The following LEFTY1 variants were observed in gnomAD, a reference collection of about 807,000 sequenced individuals.
The protein encoded by LEFTY1 is left-right determination factor 1, also known as left-right determination factor B.
Under a neutral mutation model 22.6 loss-of-function variants are expected in LEFTY1, and 18 were observed. The ratio of observed to expected loss-of-function variants is 0.80; its 90% confidence interval spans 0.55 to 1.18. The LOEUF (loss-of-function observed/expected upper bound fraction) is 1.18. LEFTY1 is among the 50% of genes most tolerant of loss of function. The pLI is 0.00. For missense variants in LEFTY1, 414 were observed against 495.4 expected, an observed-to-expected ratio of 0.84 and a Z score of 1.56; for synonymous variants, 201 against 231.5, an observed-to-expected ratio of 0.87 and a Z score of 1.20.
Position 225,888,835 on chromosome 1 carries a change from A to G in LEFTY1, c.232T>C (p.Phe78Leu). Residue 78 changes from phenylalanine to leucine, a missense_variant, in exon 1 of 4, where the codon TTC becomes CTC. Phe to Leu is a conservative substitution (Grantham distance 22, BLOSUM62 0). Coordinates refer to ENST00000272134, the MANE Select transcript of LEFTY1 (RefSeq NM_020997.4). The part of the protein sequence containing the change: ...SHGDRSRGKR[F>L]SQSFREVAGR... ...GCCTCACCTCGGAAGCTCTGGCTGAACCTCTTTCCGCGGGAGCGGTCCCCG... is the reference window on the plus strand; with the variant it reads ...GCCTCACCTCGGAAGCTCTGGCTGAGCCTCTTTCCGCGGGAGCGGTCCCCG... 6.2e-7 allele frequency: 1 copy of G among 1,613,082 alleles called. No homozygotes were observed. The highest frequency in any genetic ancestry group is 8.5e-7 in the Non-Finnish European group (1 of 1,179,732).
At chr1:225,887,370 G>C in intron 3 of LEFTY1, 29 bp downstream of exon 3, 3 of 1,612,302 alleles carry the variant, frequency 1.9e-6, no homozygotes, top group African/African-American at 1.3e-5. Flanking sequence ...TCTTTATTCC[G>C]GCTTACCAGT....
chr1:225,886,758 C>G lies in LEFTY1; in HGVS notation c.1070G>C (p.Gly357Ala). 6.2e-7 allele frequency: 1 copy of G among 1,613,748 alleles called. No individual in the cohort carries two copies. Among genetic ancestry groups the G allele is most frequent in the Non-Finnish European group, 8.5e-7 (1 of 1,180,044 alleles). The stretch of plus-strand genomic sequence containing the variant: ...CTGGAGCCTCCTTGGCACGAGCGCA[C>G]CATCCGAGGCACAGCTGCACTTCTG... ...RVQKCSCASD[G>A]ALVPRRLQP The change falls in exon 4 of 4, where the codon GGT becomes GCT. Residue 357 changes from glycine (G) to alanine (A), a missense_variant. Coordinates refer to ENST00000272134, the MANE Select transcript of LEFTY1 (RefSeq NM_020997.4).
At chr1:225,887,159 G>A in intron 3 of LEFTY1, 69 bp from the exon 4 acceptor site, 22 of 1,523,766 alleles carry the variant, frequency 1.4e-5, no homozygotes, top group East Asian at 2.3e-5. Context: ...GTCTGGGATG[G>A]AGATTTATGA....
chr1:225,888,759 A>G (rs1671338105), intron 1 of LEFTY1, 58 bp downstream of exon 1: 2 of 1,607,522 alleles, frequency 1.2e-6, no homozygotes, highest in African/African-American at 1.3e-5. Context: ...ACACCACCGG[A>G]GTGGGCACAT....
chr1:225,887,301 A>G, intron 3 of LEFTY1, 98 bp downstream of exon 3: 1 of 1,577,610 alleles, frequency 6.3e-7, no homozygotes, highest in Non-Finnish European at 8.6e-7. Flanking sequence ...ACATTGTCTC[A>G]TTCATTCCCA....
chr1:225,888,698 G>A (rs1225894053), intron 1 of LEFTY1, 119 bp downstream of exon 1: 3 of 1,369,530 alleles, frequency 2.2e-6, no homozygotes, highest in African/African-American at 1.4e-5. Context: ...CCCTTAGACC[G>A]TGGCCCTCAC....
chr1:225,887,343 A>G, intron 3 of LEFTY1, 56 bp downstream of exon 3: 2 of 1,604,368 alleles, frequency 1.2e-6, no homozygotes, highest in Admixed American at 1.7e-5. Flanking sequence ...ATTTCAAAAT[A>G]AATGTAATTG....
intron 1 of LEFTY1, 96 bp from the exon 2 acceptor site, chr1:225,888,128 C>T: frequency 6.6e-7 from 1 of 1,518,444 alleles, no homozygotes; most frequent in Non-Finnish European, 8.8e-7. Context: ...CCAGGAGACA[C>T]CGGCCCTGTT....
rs1671322663 is a variant in LEFTY1 at position 225,887,992 on chromosome 1, G to T, written c.291C>A (p.His97Gln). The T allele has an allele frequency of 6.3e-7, 1 of 1,590,778 alleles. No homozygotes were observed. The highest frequency in any genetic ancestry group is 8.5e-7 in the Non-Finnish European group (1 of 1,178,368). ...GRFLALEAST[H>Q]LLVFGMEQRL... The stretch of plus-strand genomic sequence containing the variant: ...GCTGCTCCATGCCGAACACCAGCAG[G>T]TGTGTGCTGGCCTCCAACGCCAGGA... Residue 97 changes from histidine (H) to glutamine (Q), a missense_variant, in exon 2 of 4, where the codon CAC (histidine) becomes CAA (glutamine). By Grantham distance (24) the His-to-Gln change is conservative. Transcript: ENST00000272134.
intron 1 of LEFTY1, 121 bp downstream of exon 1, chr1:225,888,696 C>T: frequency 7.4e-7 from 1 of 1,357,762 alleles, no homozygotes; most frequent in Non-Finnish European, 1.0e-6. Flanking sequence ...GCCCCTTAGA[C>T]CGTGGCCCTC....
rs753259592 is a variant in LEFTY1 at position 225,888,839 on chromosome 1, C to T, written c.228G>A (p.Lys76=). 2.5e-6 allele frequency: 4 copies of T among 1,613,326 alleles called. No individual in the cohort carries two copies. The highest frequency in any genetic ancestry group is 3.4e-6 in the Non-Finnish European group (4 of 1,179,794). The part of the protein sequence containing the change: ...QRSHGDRSRG[K]RFSQSFREVA... ...CACCTCGGAAGCTCTGGCTGAACCT[C>T]TTTCCGCGGGAGCGGTCCCCGTGGC... The change falls in exon 1 of 4, where the codon AAG becomes AAA. Residue 76 remains lysine, a synonymous_variant. Transcript: ENST00000272134.
rs41315436 is a variant in LEFTY1, at chr1:225,886,648, T to G, written c.*79A>C. 6.3e-7 allele frequency: 1 copy of G among 1,595,850 alleles called. No homozygotes were observed. Among genetic ancestry groups the G allele is most frequent in the African/African-American group, 1.3e-5 (1 of 74,652 alleles). On this transcript the variant is annotated 3_prime_UTR_variant, in exon 4 of 4. Coordinates refer to ENST00000272134, the MANE Select transcript of LEFTY1 (RefSeq NM_020997.4). The stretch of plus-strand genomic sequence containing the variant: ...GAGCATTTGTCCATCAGCAGTTCAG[T>G]CATCGCCAGCTCTCCTGGTACCCTC...
rs1283595467 is a variant in LEFTY1 at position 225,888,040 on chromosome 1, C to G, written c.251-8G>C. 1.9e-6 allele frequency: 3 copies of G among 1,591,000 alleles called. No individual in the cohort carries two copies. Among genetic ancestry groups the G allele is most frequent in the East Asian group, 2.3e-5 (1 of 44,252 alleles). ...GGAACCTGCCGGCCACCTCTGGGGACAAGAGCAGGGTCAGCAGGGCCTCCC... is the reference window on the plus strand; with the variant it reads ...GGAACCTGCCGGCCACCTCTGGGGAGAAGAGCAGGGTCAGCAGGGCCTCCC... On this transcript the variant is annotated splice_polypyrimidine_tract_variant and splice_region_variant and intron_variant, in intron 1 of 3. Coordinates refer to ENST00000272134, the MANE Select transcript of LEFTY1 (RefSeq NM_020997.4).
intron 3 of LEFTY1, 105 bp downstream of exon 3, chr1:225,887,294 T>C (rs1671300196): frequency 1.3e-6 from 2 of 1,565,212 alleles, no homozygotes; most frequent in Non-Finnish European, 1.7e-6. Flanking sequence ...ATTGTATACA[T>C]TGTCTCATTC....
chr1:225,887,370 G>A (rs1671301603), intron 3 of LEFTY1, 29 bp downstream of exon 3: 1 of 1,612,302 alleles, frequency 6.2e-7, no homozygotes, highest in Non-Finnish European at 8.5e-7. Context: ...TCTTTATTCC[G>A]GCTTACCAGT....
At chr1:225,887,238 T>G in intron 3 of LEFTY1, 148 bp from the exon 4 acceptor site, 15 of 1,475,600 alleles carry the variant, frequency 1.0e-5, no homozygotes, top group Non-Finnish European at 1.3e-5. Flanking sequence ...AACTTGAAAA[T>G]TAATAACCGA....
chr1:225,886,674 G>T lies in LEFTY1; in HGVS notation c.*53C>A, dbSNP rs544009880. ...CATCGCCAGCTCTCCTGGTACCCTC[G>T]AACACTTCAGAAACACACACAAGTC... On this transcript the variant is annotated 3_prime_UTR_variant, in exon 4 of 4. Transcript: ENST00000272134. 542 of 1,610,252 alleles carry T rather than the reference G, an allele frequency of 3.4e-4. 5 individuals are homozygous for T. In the South Asian group the frequency reaches 5.6e-3, roughly 17 times the overall value.
At position 225,887,908 on chromosome 1, in the gene LEFTY1, G is replaced by A. The variant is rs12753531; in HGVS notation, c.375C>T (p.Val125=). 0.25 allele frequency: 383,505 copies of A among 1,536,730 alleles called. 50,939 individuals carry two copies. Among genetic ancestry groups the A allele is most frequent in the Non-Finnish European group, 0.27 (311,775 of 1,148,756 alleles). ...CGTGCCTGTGCAGCGCGGCCTTGGGGACCGGCTCCTGGAAGAGCCGCAGCA... is the reference window on the plus strand; with the variant it reads ...CGTGCCTGTGCAGCGCGGCCTTGGGAACCGGCTCCTGGAAGAGCCGCAGCA... ...QAVLRLFQEP[V]PKAALHRHGR... The change falls in exon 2 of 4, where the codon GTC becomes GTT. Residue 125 remains valine, a synonymous_variant. Coordinates refer to ENST00000272134, the MANE Select transcript of LEFTY1 (RefSeq NM_020997.4).
intron 1 of LEFTY1, among the ~76,000 whole-genome samples, chr1:225,888,431 G>A (rs533455154): frequency 2.0e-5 from 3 of 152,258 alleles, no homozygotes; most frequent in African/African-American, 7.2e-5. Flanking sequence ...CTCAAGTGCA[G>A]TATTTTTCAG....
Sources: allele counts gnomAD v4.1 joint callset (sites outside exome capture counted in the v4.1 genomes callset), GRCh38; gene constraint gnomAD v4.1.1; transcripts MANE v1.5; gene names NCBI Gene and HGNC (gene_info 2026-07-23, HGNC 2026-07-21).